The following SYNPR variants were observed in gnomAD, a reference collection of about 807,000 sequenced individuals.
SYNPR encodes the protein synaptoporin.
A neutral mutation model predicts 32.9 loss-of-function variants in SYNPR; 23 were observed. The observed-to-expected ratio is 0.70, with a 90% CI of 0.50 to 0.99. SYNPR has a LOEUF of 0.99. Ranked by LOEUF, SYNPR falls within the 50% of genes least tolerant of loss-of-function variation. The pLI is 0.00. For synonymous variants in SYNPR, 146 were observed against 135.9 expected, an observed-to-expected ratio of 1.07 and a Z score of -0.52; for missense variants, 318 against 349.3, an observed-to-expected ratio of 0.91 and a Z score of 0.71.
At chr3:63,369,128 G>A (rs547204404) in intron 2 of SYNPR, among the ~76,000 whole-genome samples, 50 of 152,220 alleles carry the variant, frequency 3.3e-4, no homozygotes, top group Non-Finnish European at 6.5e-4. Context: ...AATCCAATAT[G>A]ACTGGTGTCC....
chr3:63,540,844 G>C (rs1386330826), intron 3 of SYNPR, among the ~76,000 whole-genome samples: 1 of 147,694 alleles, frequency 6.8e-6, no homozygotes, highest in East Asian at 2.1e-4. Context: ...TTTTAATGAA[G>C]AACCCATTCA....
intron 1 of SYNPR, among the ~76,000 whole-genome samples, chr3:63,252,282 A>G (rs556055413): frequency 6.6e-6 from 1 of 152,310 alleles, no homozygotes; most frequent in African/African-American, 2.4e-5. Context: ...AAGGTTTCTT[A>G]TAAACTAAAA....
At chr3:63,614,145 C>A (rs1420841702) in intron 5 of SYNPR, among the ~76,000 whole-genome samples, 1 of 152,168 alleles carries the variant, frequency 6.6e-6, no homozygotes, top group African/African-American at 2.4e-5. Flanking sequence ...TGGCCACTGC[C>A]CAAGTCCATT....
intron 2 of SYNPR, among the ~76,000 whole-genome samples, chr3:63,436,248 T>C (rs868301149): frequency 1.3e-5 from 2 of 151,870 alleles, no homozygotes; most frequent in African/African-American, 4.8e-5. Context: ...TTGTTACATA[T>C]GTATGCATGT....
At chr3:63,466,557 T>A (rs1700684723) in intron 2 of SYNPR, among the ~76,000 whole-genome samples, 1 of 152,090 alleles carries the variant, frequency 6.6e-6, no homozygotes, top group Non-Finnish European at 1.5e-5. Flanking sequence ...ATATTAGACA[T>A]CAGTGCTTAG....
chr3:63,294,323 G>C (rs936439364), intron 2 of SYNPR, among the ~76,000 whole-genome samples: 2 of 152,162 alleles, frequency 1.3e-5, no homozygotes, highest in Non-Finnish European at 2.9e-5. Flanking sequence ...GGTGTTATCA[G>C]TTGGGTATTA....
chr3:63,466,003 C>T (rs929665347), intron 2 of SYNPR, among the ~76,000 whole-genome samples: 2 of 152,120 alleles, frequency 1.3e-5, no homozygotes, highest in African/African-American at 4.8e-5. Context: ...TATTTCATCA[C>T]CCAGGTGTTA....
chr3:63,290,770 A>G (rs542832985), intron 2 of SYNPR, among the ~76,000 whole-genome samples: 9 of 152,286 alleles, frequency 5.9e-5, no homozygotes, highest in African/African-American at 1.9e-4. Flanking sequence ...AACTTTGTCC[A>G]TTGTGTGTGT....
chr3:63,206,013 G>A, the SYNPR span, among the ~76,000 whole-genome samples: 1 of 152,098 alleles, frequency 6.6e-6, no homozygotes, highest in Non-Finnish European at 1.5e-5. Flanking sequence ...AAACGATGCT[G>A]GTTTTCTTCT....
intron 2 of SYNPR, among the ~76,000 whole-genome samples, chr3:63,402,837 T>C (rs913444014): frequency 6.6e-6 from 1 of 152,174 alleles, no homozygotes; most frequent in African/African-American, 2.4e-5. Context: ...GACATAGTCA[T>C]TGCAAGTGTG....
chr3:63,396,590 A>C (rs1162724570), intron 2 of SYNPR, among the ~76,000 whole-genome samples: 1 of 152,140 alleles, frequency 6.6e-6, no homozygotes, highest in Non-Finnish European at 1.5e-5. Context: ...TCTCTGGACT[A>C]TCAGGTCTTT....
intron 2 of SYNPR, among the ~76,000 whole-genome samples, chr3:63,421,879 GA>G (rs1699807652): frequency 6.6e-6 from 1 of 152,184 alleles, no homozygotes; most frequent in African/African-American, 2.4e-5. Flanking sequence ...AGGCTACCAG[GA>G]CAGCTTGCCT....
chr3:63,505,617 T>A (rs1465541364), intron 3 of SYNPR, among the ~76,000 whole-genome samples: 1 of 152,188 alleles, frequency 6.6e-6, no homozygotes, highest in East Asian at 1.9e-4. Context: ...CAGTAAATAG[T>A]TTATATGTAT....
intron 2 of SYNPR, among the ~76,000 whole-genome samples, chr3:63,420,325 G>A (rs1002029040): frequency 6.6e-6 from 1 of 152,066 alleles, no homozygotes; most frequent in Admixed American, 6.5e-5. Context: ...CTTATAGCAA[G>A]GATATTATAA....
chr3:63,206,912 T>C, the SYNPR span, among the ~76,000 whole-genome samples: 1 of 151,884 alleles, frequency 6.6e-6, no homozygotes, highest in Non-Finnish European at 1.5e-5. Flanking sequence ...GTGCCTGGAG[T>C]TGTTGTTATG....
At chr3:63,331,096 T>C (rs2087225648) in intron 2 of SYNPR, among the ~76,000 whole-genome samples, 1 of 152,172 alleles carries the variant, frequency 6.6e-6, no homozygotes, top group African/African-American at 2.4e-5. Context: ...CATATATCAT[T>C]ACCACCACTA....
rs763303263 is a variant in SYNPR, at chr3:63,480,999, A to C, written c.209+43A>C. On this transcript the variant is annotated intron_variant, in intron 3 of 5. Coordinates refer to ENST00000478300, the MANE Select transcript of SYNPR (RefSeq NM_001130003.2). ...ATGCTTGTTAGCCTCACAGGGGGTT[A>C]TTTCTTTCTTCTGTGCTTTGTCTCA... The C allele has an allele frequency of 8.2e-6, 13 of 1,584,460 alleles. No individual in the cohort carries two copies. The Admixed American group carries it at 2.3e-4, about 28-fold the overall frequency.
chr3:63,466,632 G>A (rs75004286), intron 2 of SYNPR, among the ~76,000 whole-genome samples: 1 of 152,006 alleles, frequency 6.6e-6, no homozygotes, highest in East Asian at 1.9e-4. Context: ...ATACTAGACT[G>A]GGTGGTTTAA....
At chr3:63,542,035 T>C (rs1213785311) in intron 3 of SYNPR, among the ~76,000 whole-genome samples, 1 of 152,140 alleles carries the variant, frequency 6.6e-6, no homozygotes, top group Non-Finnish European at 1.5e-5. Flanking sequence ...TTGTTTTATC[T>C]GAGATGCTCC....
Sources: allele counts gnomAD v4.1 joint callset (sites outside exome capture counted in the v4.1 genomes callset), GRCh38; gene constraint gnomAD v4.1.1; transcripts MANE v1.5; gene names NCBI Gene and HGNC (gene_info 2026-07-23, HGNC 2026-07-21).